The following SNX29 variants were observed in gnomAD, a reference collection of about 807,000 sequenced individuals.
SNX29 encodes sorting nexin-29.
SNX29 carries 78 observed loss-of-function variants against 102.1 expected under a neutral mutation model. That is an observed-to-expected ratio of 0.76 (90% CI 0.64 to 0.92). The LOEUF (loss-of-function observed/expected upper bound fraction) is 0.92. SNX29 is among the 40% of genes least tolerant of loss of function. The probability of loss-of-function intolerance (pLI) is 0.00; values close to 1 mark genes in which losing one functional copy is unlikely to be tolerated. For missense variants in SNX29, 1,280 were observed against 1,061.7 expected (o/e 1.21, Z -2.86); for synonymous variants, 580 against 414.5 (o/e 1.40, Z -4.85).
intron 1 of SNX29, among the ~76,000 whole-genome samples, chr16:11,981,300 T>G (rs2055407995): frequency 6.6e-6 from 1 of 151,964 alleles, no homozygotes. Flanking sequence ...TGATGGGGTT[T>G]TACCATGCTG....
chr16:12,439,251 A>G (rs551196802), intron 18 of SNX29, among the ~76,000 whole-genome samples: 1 of 117,078 alleles, frequency 8.5e-6, no homozygotes, highest in South Asian at 4.0e-4. Context: ...CAGCAGCTGC[A>G]TGTCTACCAT....
At chr16:12,057,316 G>A (rs887087385) in intron 8 of SNX29, among the ~76,000 whole-genome samples, 20 of 152,182 alleles carry the variant, frequency 1.3e-4, no homozygotes, top group African/African-American at 4.8e-4. Flanking sequence ...GCGCCCTGGT[G>A]GAAGGGAAAG....
intron 20 of SNX29, chr16:12,545,484 G>C (rs1157871972): frequency 6.6e-6 from 1 of 152,258 alleles, no homozygotes; most frequent in African/African-American, 2.4e-5. Context: ...CTCTCCTCCT[G>C]CAACTGTGGC....
At chr16:12,295,677 T>A (rs1484534511) in intron 15 of SNX29, among the ~76,000 whole-genome samples, 2 of 152,246 alleles carry the variant, frequency 1.3e-5, no homozygotes, top group Non-Finnish European at 2.9e-5. Flanking sequence ...TAGAAAAGTT[T>A]CAATTCACTT....
rs986586370 is a variant in SNX29 at position 12,571,323 on chromosome 16, G to A, written c.*2694G>A. 4.3e-6 allele frequency: 1 copy of A among 231,436 alleles called. No individual in the cohort carries two copies. The highest frequency in any genetic ancestry group is 8.6e-6 in the Non-Finnish European group (1 of 116,948). 14.3% of individuals were successfully genotyped at this position (231,436 alleles called of 1,614,324 possible). A position where few individuals can be genotyped will look rare whatever the true frequency, so the allele number is the denominator to read the frequency against. Reference sequence around the variant, plus strand: ...CTGGAAATGTGTCAACTGCCTGTCAGCCTGGATTCAATTCTGAGGGCTAAG... The same window carrying A: ...CTGGAAATGTGTCAACTGCCTGTCAACCTGGATTCAATTCTGAGGGCTAAG... On this transcript the variant is annotated 3_prime_UTR_variant, in exon 21 of 21. Transcript: ENST00000566228.
chr16:12,459,513 G>T (rs895202395), intron 18 of SNX29, among the ~76,000 whole-genome samples: 1 of 152,148 alleles, frequency 6.6e-6, no homozygotes, highest in Non-Finnish European at 1.5e-5. Context: ...GAAGTGGATG[G>T]CAGGCAGAGA....
chr16:12,255,968 C>T (rs774586716), intron 14 of SNX29, among the ~76,000 whole-genome samples: 2 of 152,192 alleles, frequency 1.3e-5, no homozygotes, highest in Non-Finnish European at 2.9e-5. Flanking sequence ...TTTTCCATAA[C>T]GGCTGTACTA....
intron 18 of SNX29, among the ~76,000 whole-genome samples, chr16:12,422,557 C>A (rs141771314): frequency 6.6e-6 from 1 of 152,226 alleles, no homozygotes; most frequent in East Asian, 1.9e-4. Context: ...CTTCCCTCCT[C>A]GTCTTCCCTG....
chr16:12,523,315 G>A (rs143791260), intron 19 of SNX29, among the ~76,000 whole-genome samples: 1,946 of 152,324 alleles, frequency 0.013, 19 homozygotes, highest in African/African-American at 0.031. Context: ...CATCTGTTAC[G>A]CGCCGTCGTC....
chr16:12,471,870 C>T (rs1406593041), intron 18 of SNX29, among the ~76,000 whole-genome samples: 1 of 152,236 alleles, frequency 6.6e-6, no homozygotes, highest in Non-Finnish European at 1.5e-5. Flanking sequence ...CACAAGAATC[C>T]TTTCTCCCGC....
chr16:12,542,436 A>C (rs2077384843), intron 20 of SNX29, among the ~76,000 whole-genome samples: 1 of 152,178 alleles, frequency 6.6e-6, no homozygotes, highest in Non-Finnish European at 1.5e-5. Context: ...CCCAAGTTCA[A>C]TTTTGTTTCC....
Position 12,567,618 on chromosome 16 carries a change from C to G in SNX29, c.2319-888C>G, listed in dbSNP as rs536101198. The stretch of plus-strand genomic sequence containing the variant: ...CCCCATCTCTACAAAAAATTACACT[C>G]AGGTATGGTGGCTAGTACCTATAGT... On this transcript the variant is annotated intron_variant, in intron 20 of 20. Coordinates refer to ENST00000566228, the MANE Select transcript of SNX29 (RefSeq NM_032167.5). Among the ~76,000 whole-genome samples the G allele has an allele frequency of 8.5e-4, 129 of 152,202 alleles. 1 individual carries two copies. Among genetic ancestry groups the G allele is most frequent in the African/African-American group, 2.8e-3 (115 of 41,526 alleles).
At chr16:12,565,195 C>T (rs940320408) in intron 20 of SNX29, among the ~76,000 whole-genome samples, 1 of 152,160 alleles carries the variant, frequency 6.6e-6, no homozygotes, top group Non-Finnish European at 1.5e-5. Context: ...CCTTCAGATT[C>T]TGCTATTCAG....
At chr16:12,550,581 C>G (rs570379584) in intron 20 of SNX29, among the ~76,000 whole-genome samples, 3 of 151,520 alleles carry the variant, frequency 2.0e-5, no homozygotes, top group Non-Finnish European at 4.4e-5. Flanking sequence ...ATACTTCCAC[C>G]GGTGCATACA....
chr16:12,540,547 C>T (rs74592231), intron 20 of SNX29, among the ~76,000 whole-genome samples: 7,337 of 152,298 alleles, frequency 0.048, 307 homozygotes, highest in East Asian at 0.18. Context: ...TCCTGGCAGC[C>T]ACCCTATGCC....
chr16:12,527,292 G>A (rs1385634373), intron 20 of SNX29: 1 of 531,998 alleles, frequency 1.9e-6, no homozygotes, highest in East Asian at 4.0e-5. Context: ...TCCATGTGCT[G>A]CCCACAGAAA....
rs972097286 is a variant in SNX29, at chr16:12,126,659, A to G, written c.1429A>G (p.Met477Val). Residue 477 changes from methionine to valine, a missense_variant, in exon 12 of 21, where the codon ATG (methionine) becomes GTG (valine). Coordinates refer to ENST00000566228, the MANE Select transcript of SNX29 (RefSeq NM_032167.5). ...ISELRQATVAMMNRKDELEEE... is the reference protein window; with the variant it reads ...ISELRQATVAVMNRKDELEEE... ...TGAACTGCGCCAGGCCACTGTGGCC[A>G]TGATGAACAGGAAGGATGAGCTGGA... is the stretch of plus-strand genomic sequence containing the variant. 3.1e-6 allele frequency: 5 copies of G among 1,614,046 alleles called. No individual in the cohort carries two copies. The highest frequency in any genetic ancestry group is 1.3e-5 in the African/African-American group (1 of 75,074).
intron 15 of SNX29, among the ~76,000 whole-genome samples, chr16:12,342,287 G>A (rs941806071): frequency 7.2e-5 from 11 of 152,202 alleles, no homozygotes; most frequent in African/African-American, 2.7e-4. Context: ...GAGGGCAAGA[G>A]TGTATGCTTG....
chr16:12,527,814 T>TTTC (rs1409749517), intron 20 of SNX29, among the ~76,000 whole-genome samples: 13 of 150,812 alleles, frequency 8.6e-5, no homozygotes, highest in South Asian at 4.2e-4. Flanking sequence ...GTTATTTATT[T>TTTC]TTCTTCTTCT....
Sources: gnomAD v4.1 joint callset for allele counts (sites outside exome capture counted in the v4.1 genomes callset) on GRCh38, gnomAD v4.1.1 for gene constraint, MANE v1.5 for transcripts, NCBI Gene and HGNC (gene_info 2026-07-23, HGNC 2026-07-21) for gene names.